NPR2: variants seen among roughly 807,000 people sequenced by gnomAD.
NPR2 encodes natriuretic peptide receptor 2.
NPR2 carries 49 observed loss-of-function variants against 120.7 expected under a neutral mutation model. That is an observed-to-expected ratio of 0.41 (90% CI 0.32 to 0.52). NPR2 has a LOEUF of 0.52. NPR2 is among the 20% of genes least tolerant of loss of function. NPR2 has a pLI of 0.36. For synonymous variants in NPR2, 484 were observed against 519.8 expected, an observed-to-expected ratio of 0.93 and a Z score of 0.94; for missense variants, 931 against 1,362.9, an observed-to-expected ratio of 0.68 and a Z score of 4.99.
chr9:35,792,757 C>T lies in NPR2; in HGVS notation c.349C>T (p.Leu117Phe). ...SVARFASHWR[L>F]PLLTAGAVAS... ...GGCCCGCTTTGCCTCCCACTGGCGC[C>T]TTCCCCTGCTGACTGCGGGTGCTGT... is the stretch of plus-strand genomic sequence containing the variant. The change falls in exon 1 of 22, where the codon CTT (leucine) becomes TTT (phenylalanine). Residue 117 changes from leucine to phenylalanine, a missense_variant. Physicochemically the swap from Leu to Phe is conservative, Grantham distance 22. Coordinates refer to ENST00000342694, the MANE Select transcript of NPR2 (RefSeq NM_003995.4). 1 of 1,614,206 alleles carries T rather than the reference C, an allele frequency of 6.2e-7. No homozygotes were observed. Among genetic ancestry groups the T allele is most frequent in the Non-Finnish European group, 8.5e-7 (1 of 1,180,034 alleles).
chr9:35,805,530 A>G lies in NPR2; in HGVS notation c.1907A>G (p.Asn636Ser), dbSNP rs1459924370. The part of the protein sequence containing the change: ...DLVKGMAFLH[N>S]SIISSHGSLK... ...CTGCAGGGCATGGCCTTTCTCCACA[A>G]CAGCATTATTTCATCGCATGGGAGT... Residue 636 changes from asparagine to serine, a missense_variant, in exon 13 of 22, where the codon AAC (asparagine) becomes AGC (serine). Coordinates refer to ENST00000342694, the MANE Select transcript of NPR2 (RefSeq NM_003995.4). This position sits in a 1 kb window ranked among gnomAD's most constrained non-coding sequence, Gnocchi z 4.9. 1 of 1,614,204 alleles carries G rather than the reference A, an allele frequency of 6.2e-7. No individual in the cohort carries two copies. The highest frequency in any genetic ancestry group is 1.1e-5 in the South Asian group (1 of 91,068).
chr9:35,805,632 C>T lies in NPR2; in HGVS notation c.2009C>T (p.Ser670Leu), dbSNP rs1210374955. ...ITDYGLASFRSTAEPDDSHAL... is the reference protein window; with the variant it reads ...ITDYGLASFRLTAEPDDSHAL... ...GACTATGGCCTGGCCAGCTTCCGAT[C>T]AACTGCTGAACCTGATGACAGCCAT... The change falls in exon 13 of 22, where the codon TCA (serine) becomes TTA (leucine). Residue 670 changes from serine to leucine, a missense_variant. Around this residue, in one of 3 missense-constraint regions of NPR2, gnomAD observed 681 missense variants for 974.3 expected, o/e 0.70. Coordinates refer to ENST00000342694, the MANE Select transcript of NPR2 (RefSeq NM_003995.4). The surrounding 1 kb of genome is among the most constrained non-coding windows in gnomAD (Gnocchi z 4.9). 6.2e-7 allele frequency: 1 copy of T among 1,614,070 alleles called. No homozygotes were observed. Among genetic ancestry groups the T allele is most frequent in the African/African-American group, 1.3e-5 (1 of 74,944 alleles).
chr9:35,800,306 ACT>A lies in NPR2; in HGVS notation c.1124-80_1124-79del. On this transcript the variant is annotated intron_variant, in intron 4 of 21. Transcript: ENST00000342694. The surrounding 1 kb of genome is among the most constrained non-coding windows in gnomAD (Gnocchi z 4.7). ...ACACCTCAAGATCGGGGAAGGGTAG[ACT>A]CTGAGGGAGCCGTAGGCATGAGTGA... 1 of 1,435,930 alleles carries A rather than the reference ACT, an allele frequency of 7.0e-7. No individual in the cohort carries two copies. Among genetic ancestry groups the A allele is most frequent in the Non-Finnish European group, 9.8e-7 (1 of 1,017,640 alleles). The allele number at this position is 1,435,930 out of a possible 1,614,324, so 88.9% of individuals were successfully genotyped here. A position where few individuals can be genotyped will look rare whatever the true frequency, so the allele number is the denominator to read the frequency against.
intron 1 of NPR2, among the ~76,000 whole-genome samples, chr9:35,793,293 G>A (rs1398096719): frequency 6.6e-6 from 1 of 152,178 alleles, no homozygotes; most frequent in Non-Finnish European, 1.5e-5. Flanking sequence ...GAAGAAGAGA[G>A]CATGAGGGGT....
chr9:35,806,435 G>A lies in NPR2; in HGVS notation c.2416G>A (p.Glu806Lys). 2 of 1,614,074 alleles carry A rather than the reference G, an allele frequency of 1.2e-6. No homozygotes were observed. The highest frequency in any genetic ancestry group is 1.1e-5 in the South Asian group (1 of 91,066). Residue 806 changes from glutamate to lysine, a missense_variant, in exon 16 of 22, where the codon GAA (glutamate) becomes AAA (lysine). Glu to Lys is a moderately conservative substitution (Grantham distance 56). Coordinates refer to ENST00000342694, the MANE Select transcript of NPR2 (RefSeq NM_003995.4). The surrounding 1 kb of genome is among the most constrained non-coding windows in gnomAD (Gnocchi z 4.6). ...ATTGGACAACCTCCTGCTGCGCATGGAACAGTATGCCAATAACTTGGAGAA... is the reference window on the plus strand; with the variant it reads ...ATTGGACAACCTCCTGCTGCGCATGAAACAGTATGCCAATAACTTGGAGAA... ...SILDNLLLRM[E>K]QYANNLEKLV... is the part of the protein sequence containing the mutation.
chr9:35,805,655 C>T lies in NPR2; in HGVS notation c.2032C>T (p.His678Tyr), dbSNP rs921680629. Reference protein sequence around the residue: ...FRSTAEPDDSHALYAKKLWTA... With the variant: ...FRSTAEPDDSYALYAKKLWTA... The stretch of plus-strand genomic sequence containing the variant: ...ATCAACTGCTGAACCTGATGACAGC[C>T]ATGCCCTCTATGCCAGTGAGGCCCA... The change falls in exon 13 of 22, where the codon CAT (histidine) becomes TAT (tyrosine). Residue 678 changes from histidine (H) to tyrosine (Y), a missense_variant. His to Tyr is a moderately conservative substitution (Grantham distance 83). Around this residue, in one of 3 missense-constraint regions of NPR2, gnomAD observed 681 missense variants for 974.3 expected, o/e 0.70. Transcript: ENST00000342694. This position sits in a 1 kb window ranked among gnomAD's most constrained non-coding sequence, Gnocchi z 4.9. 6 of 1,614,102 alleles carry T rather than the reference C, an allele frequency of 3.7e-6. No homozygotes were observed. The highest frequency in any genetic ancestry group is 1.3e-5 in the African/African-American group (1 of 75,050).
At position 35,809,018 on chromosome 9, in the gene NPR2, T is replaced by C. The variant is rs76703953; in HGVS notation, c.2987-138T>C. 2.4e-5 allele frequency: 24 copies of C among 994,174 alleles called. No individual in the cohort carries two copies. The highest frequency in any genetic ancestry group is 3.7e-5 in the Non-Finnish European group (23 of 620,480). 61.6% of individuals were successfully genotyped at this position (994,174 alleles called of 1,614,324 possible). On this transcript the variant is annotated intron_variant, in intron 20 of 21. Transcript: ENST00000342694. The surrounding 1 kb of genome is among the most constrained non-coding windows in gnomAD (Gnocchi z 4.1). ...GATATGCATTGGGAGGTTGGGCATA[T>C]TTTGGTCCTAATAGATATGCATTGG...
chr9:35,794,784 G>T (rs1827897241), intron 2 of NPR2, among the ~76,000 whole-genome samples: 1 of 152,106 alleles, frequency 6.6e-6, no homozygotes, highest in Non-Finnish European at 1.5e-5. Context: ...AGATTAAGGA[G>T]AGCTCTAAGT....
intron 18 of NPR2, among the ~76,000 whole-genome samples, chr9:35,807,864 T>TGG (rs1249476248): frequency 6.6e-6 from 1 of 152,246 alleles, no homozygotes; most frequent in Non-Finnish European, 1.5e-5. Flanking sequence ...GCTAACTGTG[T>TGG]GGCCTTAGGT....
Position 35,806,942 on chromosome 9 carries a change from G to A in NPR2, c.2520-81G>A. The A allele has an allele frequency of 6.7e-7, 1 of 1,497,246 alleles. No individual in the cohort carries two copies. The highest frequency in any genetic ancestry group is 9.3e-7 in the Non-Finnish European group (1 of 1,079,760). 92.7% of individuals were successfully genotyped at this position (1,497,246 alleles called of 1,614,324 possible). A position where few individuals can be genotyped will look rare whatever the true frequency, so the allele number is the denominator to read the frequency against. The stretch of plus-strand genomic sequence containing the variant: ...AGCTTTCTTGTTACAGCTCATCTCT[G>A]CTGCAGCCACATACACTTTCCCTCT... On this transcript the variant is annotated intron_variant, in intron 16 of 21. Coordinates refer to ENST00000342694, the MANE Select transcript of NPR2 (RefSeq NM_003995.4). This position sits in a 1 kb window ranked among gnomAD's most constrained non-coding sequence, Gnocchi z 4.6.
At chr9:35,801,808 T>C (rs777052695) in intron 8 of NPR2, 45 bp downstream of exon 8, 1 of 1,613,656 alleles carries the variant, frequency 6.2e-7, no homozygotes, top group Non-Finnish European at 8.5e-7. Flanking sequence ...TCTGAGTTCC[T>C]GTCCCTTCTT....
In NPR2 at chr9:35,806,684, C is replaced by A; in HGVS notation, c.2519+146C>A. ...CCCCTGCTTATAGATTATTTGCTGT[C>A]ATTCTGTCTCCACATCAGCTATGCT... On this transcript the variant is annotated intron_variant, in intron 16 of 21. Coordinates refer to ENST00000342694, the MANE Select transcript of NPR2 (RefSeq NM_003995.4). The surrounding 1 kb of genome is among the most constrained non-coding windows in gnomAD (Gnocchi z 4.6). The A allele has an allele frequency of 2.2e-6, 2 of 901,402 alleles. No homozygotes were observed. Among genetic ancestry groups the A allele is most frequent in the East Asian group, 2.5e-5 (1 of 39,594 alleles). The allele number at this position is 901,402 out of a possible 1,614,324, so 55.8% of individuals were successfully genotyped here.
At position 35,809,579 on chromosome 9, in the gene NPR2, A is replaced by G. The variant is rs1828652480; in HGVS notation, c.*134A>G. The G allele has an allele frequency of 2.1e-6, 3 of 1,457,264 alleles. No homozygotes were observed. Among genetic ancestry groups the G allele is most frequent in the Non-Finnish European group, 2.9e-6 (3 of 1,039,936 alleles). The allele number at this position is 1,457,264 out of a possible 1,614,324, so 90.3% of individuals were successfully genotyped here. ...ACAGCCACAAAAAAACCTACCTTATATGGAAGTTGTAGCCCTCTGCAGCTC... is the reference window on the plus strand; with the variant it reads ...ACAGCCACAAAAAAACCTACCTTATGTGGAAGTTGTAGCCCTCTGCAGCTC... On this transcript the variant is annotated 3_prime_UTR_variant, in exon 22 of 22. Coordinates refer to ENST00000342694, the MANE Select transcript of NPR2 (RefSeq NM_003995.4). This position sits in a 1 kb window ranked among gnomAD's most constrained non-coding sequence, Gnocchi z 4.1.
At chr9:35,801,492 T>C (rs1828156513) in intron 7 of NPR2, 151 bp from the exon 8 acceptor site, 5 of 840,286 alleles carry the variant, frequency 6.0e-6, no homozygotes, top group Non-Finnish European at 1.0e-5. Context: ...GTGCCAGATA[T>C]GCCGAGAATG....
At chr9:35,799,549 C>G (rs1828065211) in intron 2 of NPR2, 69 bp from the exon 3 acceptor site, 4 of 1,140,124 alleles carry the variant, frequency 3.5e-6, no homozygotes, top group Non-Finnish European at 5.3e-6. Flanking sequence ...TTTCCCTGTC[C>G]TGCATCTTCT....
chr9:35,804,861 C>T (rs567962954), intron 12 of NPR2, among the ~76,000 whole-genome samples: 1 of 47,926 alleles, frequency 2.1e-5, no homozygotes, highest in Non-Finnish European at 4.1e-5. Flanking sequence ...ACCTGCCCAC[C>T]TCCCTCTAGT....
chr9:35,799,605 G>A lies in NPR2; in HGVS notation c.874-13G>A, dbSNP rs1828067599. On this transcript the variant is annotated splice_polypyrimidine_tract_variant and intron_variant, in intron 2 of 21. Coordinates refer to ENST00000342694, the MANE Select transcript of NPR2 (RefSeq NM_003995.4). ...GAATCCTGTTCACTCTTCCCCATATGCTGCTGGTACAGACTGTATTGGTGA... is the reference window on the plus strand; with the variant it reads ...GAATCCTGTTCACTCTTCCCCATATACTGCTGGTACAGACTGTATTGGTGA... 6.3e-7 allele frequency: 1 copy of A among 1,578,794 alleles called. No homozygotes were observed. The highest frequency in any genetic ancestry group is 2.2e-5 in the East Asian group (1 of 44,710).
Position 35,802,655 on chromosome 9 carries a change from C to G in NPR2, c.1815+48C>G. 1 of 1,480,932 alleles carries G rather than the reference C, an allele frequency of 6.8e-7. No individual in the cohort carries two copies. The highest frequency in any genetic ancestry group is 1.4e-5 in the African/African-American group (1 of 72,184). 91.7% of individuals were successfully genotyped at this position (1,480,932 alleles called of 1,614,324 possible). A position where few individuals can be genotyped will look rare whatever the true frequency, so the allele number is the denominator to read the frequency against. On this transcript the variant is annotated intron_variant, in intron 11 of 21. Coordinates refer to ENST00000342694, the MANE Select transcript of NPR2 (RefSeq NM_003995.4). This position sits in a 1 kb window ranked among gnomAD's most constrained non-coding sequence, Gnocchi z 4.2. ...TATGGCAGGGGTGGGAAGGATAGAC[C>G]CAAAGTTATACTGACTCTATGCTGG... is the stretch of plus-strand genomic sequence containing the variant.
Position 35,809,500 on chromosome 9 carries a change from A to C in NPR2, c.*55A>C. 6.2e-7 allele frequency: 1 copy of C among 1,613,476 alleles called. No individual in the cohort carries two copies. Among genetic ancestry groups the C allele is most frequent in the Non-Finnish European group, 8.5e-7 (1 of 1,179,460 alleles). The stretch of plus-strand genomic sequence containing the variant: ...TCTGCTGCTGGTACCTGGGTGGGCA[A>C]TGGCCACCATGTCTGCACACACCAG... On this transcript the variant is annotated 3_prime_UTR_variant, in exon 22 of 22. Coordinates refer to ENST00000342694, the MANE Select transcript of NPR2 (RefSeq NM_003995.4). The surrounding 1 kb of genome is among the most constrained non-coding windows in gnomAD (Gnocchi z 4.1).
Sources: gnomAD v4.1 joint callset for allele counts (sites outside exome capture counted in the v4.1 genomes callset) on GRCh38, gnomAD v4.1.1 for gene constraint, gnomAD v4.1.1 regional missense constraint, Gnocchi (gnomAD v3.1) non-coding constraint, MANE v1.5 for transcripts, NCBI Gene and HGNC (gene_info 2026-07-23, HGNC 2026-07-21) for gene names.